INPP4B: variants seen among roughly 807,000 people sequenced by gnomAD.
INPP4B encodes inositol polyphosphate-4-phosphatase type II B.
Under a neutral mutation model 122.5 loss-of-function variants are expected in INPP4B, and 55 were observed. The observed-to-expected ratio is 0.45, with a 90% CI of 0.36 to 0.56. INPP4B has a LOEUF of 0.56. Ranked by LOEUF, INPP4B falls within the 20% of genes least tolerant of loss-of-function variation. The pLI is 0.00. For missense variants in INPP4B, 1,000 were observed against 1,097.7 expected, an observed-to-expected ratio of 0.91 and a Z score of 1.26; for synonymous variants, 403 against 388.7, an observed-to-expected ratio of 1.04 and a Z score of -0.43.
chr4:142,436,607 A>G (rs1810580495), intron 3 of INPP4B, among the ~76,000 whole-genome samples: 1 of 152,106 alleles, frequency 6.6e-6, no homozygotes, highest in African/African-American at 2.4e-5. Flanking sequence ...CAGTTGTGGG[A>G]GCAAACCAGA....
rs192227300 is a variant in INPP4B at position 142,106,194 on chromosome 4, G to A, written c.2374+1899C>T. Among the ~76,000 whole-genome samples the A allele has an allele frequency of 5.1e-4, 77 of 152,266 alleles. 1 individual carries two copies. Among genetic ancestry groups the A allele is most frequent in the African/African-American group, 1.6e-3 (67 of 41,546 alleles). ...TGCAATTGGTTTTATACAAAATTCC[G>A]TCTTGTTTGCAAGGAGAGAAATATA... On this transcript the variant is annotated intron_variant, in intron 23 of 25. Transcript: ENST00000262992.
In INPP4B at chr4:142,361,630, T is replaced by C. The variant is rs545358315; in HGVS notation, c.372+41308A>G. ...ATCCTATATAAAATTAGGTTCTTTATTGTTAATTTCTCTCATGAAATCCTG... is the reference window on the plus strand; with the variant it reads ...ATCCTATATAAAATTAGGTTCTTTACTGTTAATTTCTCTCATGAAATCCTG... On this transcript the variant is annotated intron_variant, in intron 7 of 25. Coordinates refer to ENST00000262992, the MANE Select transcript of INPP4B (RefSeq NM_001101669.3). 6.6e-5 allele frequency among the ~76,000 whole-genome samples: 10 copies of C among 152,074 alleles called. No individual in the cohort carries two copies. In the East Asian group the frequency reaches 7.8e-4, roughly 12 times the overall value.
intron 2 of INPP4B, among the ~76,000 whole-genome samples, chr4:142,469,129 A>G (rs1349512580): frequency 1.3e-5 from 2 of 151,610 alleles, no homozygotes; most frequent in Non-Finnish European, 2.9e-5. Context: ...GTCAACAGAA[A>G]AACTGTAAAA....
Position 142,028,889 on chromosome 4 carries a change from G to T in INPP4B, c.2668C>A (p.Leu890Met), listed in dbSNP as rs779318300. 6.2e-7 allele frequency: 1 copy of T among 1,612,984 alleles called. No individual in the cohort carries two copies. The highest frequency in any genetic ancestry group is 1.1e-5 in the South Asian group (1 of 90,938). The change falls in exon 26 of 26, where the codon CTG becomes ATG. Residue 890 changes from leucine to methionine, a missense_variant. Physicochemically the swap from Leu to Met is conservative, Grantham distance 15. Coordinates refer to ENST00000262992, the MANE Select transcript of INPP4B (RefSeq NM_001101669.3). ...TACTTTCTGCATTTGATATTCTTCA[G>T]TACATTCTCTATGCGGCATCCTTCT... Reference protein sequence around the residue: ...RREGCRIENVLKNIKCRKYAF... With the variant: ...RREGCRIENVMKNIKCRKYAF...
chr4:142,119,978 TCA>T (rs1795858730), intron 21 of INPP4B, among the ~76,000 whole-genome samples: 1 of 151,536 alleles, frequency 6.6e-6, no homozygotes, highest in Admixed American at 6.6e-5. Context: ...TCTAGAAGTT[TCA>T]CAGTTTTAGC....
chr4:142,635,059 C>T (rs1427506789), intron 2 of INPP4B, among the ~76,000 whole-genome samples: 2 of 151,994 alleles, frequency 1.3e-5, no homozygotes, highest in African/African-American at 4.8e-5. Context: ...CATGAACAGA[C>T]AGTTGTCAAA....
At chr4:142,173,935 A>G (rs10013826) in intron 15 of INPP4B, 126 bp from the exon 16 acceptor site, 53,416 of 789,158 alleles carry the variant, frequency 0.068, 2,629 homozygotes, top group African/African-American at 0.2. Context: ...GAACTGTCCT[A>G]AGAGATTTTT....
intron 1 of INPP4B, among the ~76,000 whole-genome samples, chr4:142,838,729 A>G (rs1432331918): frequency 1.3e-5 from 2 of 152,246 alleles, no homozygotes; most frequent in Non-Finnish European, 2.9e-5. Flanking sequence ...TCAATGTCAC[A>G]AAGATTCATA....
chr4:142,322,645 T>C (rs909460150), intron 7 of INPP4B, among the ~76,000 whole-genome samples: 1 of 152,216 alleles, frequency 6.6e-6, no homozygotes, highest in Non-Finnish European at 1.5e-5. Flanking sequence ...ATTATTACCA[T>C]ATGCTGATTT....
At chr4:142,517,739 A>T (rs1304546375) in intron 2 of INPP4B, among the ~76,000 whole-genome samples, 1 of 152,022 alleles carries the variant, frequency 6.6e-6, no homozygotes, top group East Asian at 1.9e-4. Flanking sequence ...TAAGAACAAT[A>T]CCCTGAGCCA....
At chr4:142,418,557 A>G (rs927999564) in intron 5 of INPP4B, among the ~76,000 whole-genome samples, 1 of 151,964 alleles carries the variant, frequency 6.6e-6, no homozygotes, top group African/African-American at 2.4e-5. Flanking sequence ...GGACTGGTAG[A>G]TCAGGCAAAT....
intron 2 of INPP4B, among the ~76,000 whole-genome samples, chr4:142,659,075 C>T (rs927070455): frequency 1.3e-5 from 2 of 152,220 alleles, no homozygotes; most frequent in African/African-American, 2.4e-5. Flanking sequence ...ATTTTGCAAA[C>T]CATTCAGTCC....
At chr4:142,704,612 A>G (rs186488690) in intron 2 of INPP4B, among the ~76,000 whole-genome samples, 27 of 152,234 alleles carry the variant, frequency 1.8e-4, no homozygotes, top group African/African-American at 5.8e-4. Flanking sequence ...TCTCCCTCCA[A>G]TGCTCTGTAC....
At chr4:142,562,781 G>A (rs1002974737) in intron 2 of INPP4B, among the ~76,000 whole-genome samples, 13 of 152,082 alleles carry the variant, frequency 8.5e-5, no homozygotes, top group South Asian at 2.1e-4. Flanking sequence ...AAACCAAAAG[G>A]TCTTCTTAAT....
intron 25 of INPP4B, among the ~76,000 whole-genome samples, chr4:142,068,394 C>G (rs1389684988): frequency 6.6e-6 from 1 of 152,146 alleles, no homozygotes; most frequent in Non-Finnish European, 1.5e-5. Flanking sequence ...ATTGTAAAGA[C>G]CATCAAGGCT....
intron 2 of INPP4B, among the ~76,000 whole-genome samples, chr4:142,607,660 A>G (rs919781594): frequency 1.3e-5 from 2 of 152,172 alleles, no homozygotes; most frequent in Admixed American, 6.6e-5. Context: ...TGCTCTGTGT[A>G]CAGATTTATA....
At chr4:142,133,490 G>C (rs939625852) in intron 18 of INPP4B, among the ~76,000 whole-genome samples, 1 of 151,980 alleles carries the variant, frequency 6.6e-6, no homozygotes, top group East Asian at 1.9e-4. Context: ...GCCTATATCT[G>C]GTTTTACCCT....
chr4:142,374,067 G>A (rs924328658), intron 7 of INPP4B, among the ~76,000 whole-genome samples: 57 of 152,012 alleles, frequency 3.7e-4, no homozygotes, highest in African/African-American at 1.3e-3. Context: ...CAGAAAGATT[G>A]TTTTAGTTTA....
intron 2 of INPP4B, among the ~76,000 whole-genome samples, chr4:142,563,251 C>T (rs903381691): frequency 1.3e-5 from 2 of 152,204 alleles, no homozygotes; most frequent in East Asian, 1.9e-4. Flanking sequence ...TGTCCACTGT[C>T]GTACTTAGAG....
Sources: gnomAD v4.1 joint callset for allele counts (sites outside exome capture counted in the v4.1 genomes callset) on GRCh38, gnomAD v4.1.1 for gene constraint, MANE v1.5 for transcripts, NCBI Gene and HGNC (gene_info 2026-07-23, HGNC 2026-07-21) for gene names.